BTBD3: variants seen among roughly 807,000 people sequenced by gnomAD.
BTBD3 encodes BTB domain containing 3, also known as BTB/POZ domain-containing protein 3.
Under a neutral mutation model 41.6 loss-of-function variants are expected in BTBD3, and 14 were observed. That is an observed-to-expected ratio of 0.34 (90% CI 0.22 to 0.53). The LOEUF is 0.53. Ranked by LOEUF, BTBD3 falls within the 20% of genes least tolerant of loss-of-function variation. The probability of loss-of-function intolerance (pLI) is 0.95; values close to 1 mark genes in which losing one functional copy is unlikely to be tolerated. For missense variants in BTBD3, 426 were observed against 654.7 expected, an observed-to-expected ratio of 0.65 and a Z score of 3.81; for synonymous variants, 249 against 233.7, an observed-to-expected ratio of 1.07 and a Z score of -0.60.
chr20:11,920,374 G>C (rs935054362), intron 3 of BTBD3, among the ~76,000 whole-genome samples: 4 of 151,990 alleles, frequency 2.6e-5, no homozygotes, highest in Non-Finnish European at 5.9e-5. Flanking sequence ...CACTCTCAAG[G>C]GTAAAAAGTA....
chr20:11,912,126 G>A (rs2056893169), intron 1 of BTBD3, among the ~76,000 whole-genome samples: 1 of 152,170 alleles, frequency 6.6e-6, no homozygotes, highest in South Asian at 2.1e-4. Context: ...TTATACTGTG[G>A]ACAGCACTGA....
intron 1 of BTBD3, among the ~76,000 whole-genome samples, chr20:11,904,461 A>G (rs913146745): frequency 2.6e-5 from 4 of 152,182 alleles, no homozygotes; most frequent in Non-Finnish European, 5.9e-5. Context: ...GGATGGGGAC[A>G]CAAATCCAAA....
upstream of BTBD3, among the ~76,000 whole-genome samples, chr20:11,915,277 G>A (rs1323471165): frequency 6.6e-6 from 1 of 152,092 alleles, no homozygotes; most frequent in Non-Finnish European, 1.5e-5. Context: ...TTGGCTGTCT[G>A]CACACCTCAA....
In BTBD3 at chr20:11,918,192, AC is replaced by A. The variant is rs1295900604; in HGVS notation, c.-82del. Reference sequence around the variant, plus strand: ...ATATCAGCTTTGTTGGTTTCAGTTAACCTCTTAGCCCGGGCTAATCTCTTTT... The same window carrying A: ...ATATCAGCTTTGTTGGTTTCAGTTAACTCTTAGCCCGGGCTAATCTCTTTT... On this transcript the variant is annotated 5_prime_UTR_variant, in exon 1 of 4. Transcript: ENST00000378226. 1 of 1,495,962 alleles carries A rather than the reference AC, an allele frequency of 6.7e-7. No homozygotes were observed. The highest frequency in any genetic ancestry group is 8.8e-7 in the Non-Finnish European group (1 of 1,133,166). The allele number at this position is 1,495,962 out of a possible 1,614,324, so 92.7% of individuals were successfully genotyped here. A position where few individuals can be genotyped will look rare whatever the true frequency, so the allele number is the denominator to read the frequency against.
chr20:11,896,245 G>A (rs1168751300), intron 1 of BTBD3, among the ~76,000 whole-genome samples: 1 of 152,160 alleles, frequency 6.6e-6, no homozygotes, highest in Non-Finnish European at 1.5e-5. Flanking sequence ...TCCTGTTAGA[G>A]TTCTTCTTAG....
At chr20:11,916,667 C>T (rs182009645), upstream of BTBD3, among the ~76,000 whole-genome samples, 16 of 152,234 alleles carry the variant, frequency 1.1e-4, no homozygotes, top group Non-Finnish European at 2.1e-4. Context: ...CAATAACAAT[C>T]GTAACTCTTA....
In BTBD3 at chr20:11,920,471, T is replaced by C. The variant is rs192312110; in HGVS notation, c.536+635T>C. On this transcript the variant is annotated intron_variant, in intron 3 of 3. Transcript: ENST00000378226. ...GTGGATTTATACAGAAGAACTTTCA[T>C]TGGTAATACAGAAGTATGAAACTTA... Among the ~76,000 whole-genome samples, 7 of 152,296 alleles carry C rather than the reference T, an allele frequency of 4.6e-5. No individual in the cohort carries two copies. The East Asian group carries it at 1.2e-3, about 25-fold the overall frequency.
chr20:11,919,679 C>T (rs1204509446), intron 2 of BTBD3, 39 bp from the exon 3 acceptor site: 7 of 1,578,890 alleles, frequency 4.4e-6, no homozygotes, highest in Non-Finnish European at 6.1e-6. Flanking sequence ...GAAATGCCTT[C>T]AATTTAGTGT....
At chr20:11,908,658 T>A (rs968919141) in intron 1 of BTBD3, among the ~76,000 whole-genome samples, 4 of 152,088 alleles carry the variant, frequency 2.6e-5, no homozygotes, top group African/African-American at 9.7e-5. Flanking sequence ...TTAGAGAATA[T>A]TAGAGAATTG....
chr20:11,907,139 G>A (rs955417972), intron 1 of BTBD3, among the ~76,000 whole-genome samples: 2 of 152,168 alleles, frequency 1.3e-5, no homozygotes, highest in Non-Finnish European at 2.9e-5. Flanking sequence ...ACACTTCTCT[G>A]TGAATATGTG....
chr20:11,901,099 A>G (rs910495433), intron 1 of BTBD3, among the ~76,000 whole-genome samples: 20 of 152,202 alleles, frequency 1.3e-4, no homozygotes, highest in Admixed American at 9.2e-4. Context: ...AATTGAGGTT[A>G]TATCAGGTGA....
chr20:11,912,830 T>G (rs1422010380), intron 1 of BTBD3, among the ~76,000 whole-genome samples: 1 of 152,258 alleles, frequency 6.6e-6, no homozygotes, highest in Non-Finnish European at 1.5e-5. Flanking sequence ...CACTTGTTGT[T>G]AGCTCTTGCT....
chr20:11,914,259 C>T (rs1231209224), upstream of BTBD3, among the ~76,000 whole-genome samples: 3 of 151,982 alleles, frequency 2.0e-5, no homozygotes, highest in African/African-American at 4.8e-5. Context: ...TATGTTTAAT[C>T]AAGGAGGAAA....
chr20:11,891,862 C>G (rs1214292102), intron 1 of BTBD3, among the ~76,000 whole-genome samples: 1 of 152,108 alleles, frequency 6.6e-6, no homozygotes, highest in African/African-American at 2.4e-5. Context: ...TCCCCGCCAC[C>G]TCGCCAAATC....
At chr20:11,910,744 C>G (rs2056884294) in intron 1 of BTBD3, among the ~76,000 whole-genome samples, 1 of 152,094 alleles carries the variant, frequency 6.6e-6, no homozygotes, top group Non-Finnish European at 1.5e-5. Flanking sequence ...TTATACTGAT[C>G]AGTTTTATGT....
chr20:11,921,614 T>C (rs2056970545), intron 3 of BTBD3: 1 of 152,230 alleles, frequency 6.6e-6, no homozygotes, highest in African/African-American at 2.4e-5. Context: ...TTGCCATCAG[T>C]AGGTGACTTC....
intron 1 of BTBD3, among the ~76,000 whole-genome samples, chr20:11,893,409 CTGGTGGAAACCCCT>C (rs993729508): frequency 6.6e-6 from 1 of 152,226 alleles, no homozygotes; most frequent in Non-Finnish European, 1.5e-5. Flanking sequence ...GAAAGGAATA[CTGGTGGAAACCCCT>C]ATCATGTGAT....
At position 11,917,993 on chromosome 20, in the gene BTBD3, T is replaced by C; in HGVS notation, c.-283T>C. 1 of 1,149,502 alleles carries C rather than the reference T, an allele frequency of 8.7e-7. No homozygotes were observed. Among genetic ancestry groups the C allele is most frequent in the Non-Finnish European group, 1.1e-6 (1 of 935,142 alleles). 71.2% of individuals were successfully genotyped at this position (1,149,502 alleles called of 1,614,324 possible). On this transcript the variant is annotated 5_prime_UTR_variant, in exon 1 of 4. Coordinates refer to ENST00000378226, the MANE Select transcript of BTBD3 (RefSeq NM_014962.4). ...GCTACAGCTCTGTGCCTGTCATCTTTGCAGTGTAGCATTTTCAGGTGATCT... is the reference window on the plus strand; with the variant it reads ...GCTACAGCTCTGTGCCTGTCATCTTCGCAGTGTAGCATTTTCAGGTGATCT...
chr20:11,895,241 A>T (rs574943947), intron 1 of BTBD3, among the ~76,000 whole-genome samples: 1 of 152,204 alleles, frequency 6.6e-6, no homozygotes, highest in South Asian at 2.1e-4. Flanking sequence ...TTAATCATAG[A>T]TTTAGAATAT....
Sources: gnomAD v4.1 joint callset for allele counts (sites outside exome capture counted in the v4.1 genomes callset) on GRCh38, gnomAD v4.1.1 for gene constraint, MANE v1.5 for transcripts, NCBI Gene and HGNC (gene_info 2026-07-23, HGNC 2026-07-21) for gene names.